The following ALMS1 variants were observed in gnomAD, a reference collection of about 807,000 sequenced individuals.
ALMS1 encodes the protein ALMS1 centrosome and basal body associated protein.
Under a neutral mutation model 352.2 loss-of-function variants are expected in ALMS1, and 271 were observed. The observed-to-expected ratio is 0.77, with a 90% CI of 0.70 to 0.85. The LOEUF (loss-of-function observed/expected upper bound fraction) is 0.85, where lower values mean the gene tolerates loss of function less well. Ranked by LOEUF, ALMS1 falls within the 40% of genes least tolerant of loss-of-function variation. The pLI, the probability that ALMS1 is intolerant of heterozygous loss-of-function variation, is 0.00. For synonymous variants in ALMS1, 1,865 were observed against 1,761.2 expected (o/e 1.06, Z -1.48); for missense variants, 5,445 against 4,870.7 (o/e 1.12, Z -3.51).
At chr2:73,528,932 A>G (rs2103980126) in intron 11 of ALMS1, among the ~76,000 whole-genome samples, 1 of 145,188 alleles carries the variant, frequency 6.9e-6, no homozygotes, top group Non-Finnish European at 1.5e-5. Flanking sequence ...CTACTCCAGT[A>G]TTTCTGCTTC....
intron 6 of ALMS1, among the ~76,000 whole-genome samples, chr2:73,427,228 T>C (rs1671398813): frequency 6.6e-6 from 1 of 152,200 alleles, no homozygotes. Context: ...AATATTTAAG[T>C]ATTTCTGTTT....
At chr2:73,465,859 A>T (rs1007526822) in intron 9 of ALMS1, among the ~76,000 whole-genome samples, 2 of 152,262 alleles carry the variant, frequency 1.3e-5, no homozygotes, top group Non-Finnish European at 2.9e-5. Context: ...GAAGACATTT[A>T]TGCAGGCAAA....
At chr2:73,473,486 A>G (rs991384539) in intron 9 of ALMS1, among the ~76,000 whole-genome samples, 1 of 152,072 alleles carries the variant, frequency 6.6e-6, no homozygotes, top group East Asian at 1.9e-4. Context: ...ATAATATTCA[A>G]TATGTCCAGT....
At chr2:73,549,667 C>T (rs1189793941) in intron 12 of ALMS1, among the ~76,000 whole-genome samples, 1 of 152,144 alleles carries the variant, frequency 6.6e-6, no homozygotes, top group African/African-American at 2.4e-5. Flanking sequence ...CTCCTTCCTC[C>T]AAAACCATCA....
intron 1 of ALMS1, among the ~76,000 whole-genome samples, chr2:73,406,580 A>T (rs900985782): frequency 1.3e-5 from 2 of 151,244 alleles, no homozygotes; most frequent in Admixed American, 1.3e-4. Flanking sequence ...TTCTGTAGCT[A>T]TTTTCATTGT....
At chr2:73,509,916 C>G (rs1026533958) in intron 10 of ALMS1, among the ~76,000 whole-genome samples, 7 of 151,978 alleles carry the variant, frequency 4.6e-5, no homozygotes, top group Admixed American at 4.6e-4. Flanking sequence ...TACGTTTAGT[C>G]TTTTCACATA....
rs1322466663 is a variant in ALMS1, at chr2:73,546,478, T to TA, written c.9908-3788dup. On this transcript the variant is annotated intron_variant, in intron 12 of 22. Transcript: ENST00000613296. ...ACTGTGGTAGGTGTTACAATTTCAG[T>TA]ATTGCTCAAAATAAACTATAATGGA... Among the ~76,000 whole-genome samples the TA allele has an allele frequency of 2.6e-5, 4 of 152,210 alleles. No individual in the cohort carries two copies. In the East Asian group the frequency reaches 5.8e-4, roughly 22 times the overall value.
intron 15 of ALMS1, 58 bp from the exon 16 acceptor site, chr2:73,572,204 T>G (rs772902273): frequency 9.1e-6 from 13 of 1,423,106 alleles, no homozygotes; most frequent in Non-Finnish European, 1.2e-5. Context: ...TGAATAGTAT[T>G]TCTAAACAGA....
chr2:73,548,599 G>C (rs1418480648), intron 12 of ALMS1, among the ~76,000 whole-genome samples: 1 of 152,178 alleles, frequency 6.6e-6, no homozygotes, highest in Non-Finnish European at 1.5e-5. Context: ...GGGAGAATTT[G>C]TGAAAAGAAT....
chr2:73,436,209 C>A (rs997962631), intron 7 of ALMS1, among the ~76,000 whole-genome samples: 1 of 152,192 alleles, frequency 6.6e-6, no homozygotes, highest in African/African-American at 2.4e-5. Flanking sequence ...TGTCTCTTCA[C>A]TATCTTCTGG....
In ALMS1 at chr2:73,489,730, A is replaced by G. The variant is rs1157117949; in HGVS notation, c.7771A>G (p.Thr2591Ala). 1 of 1,614,150 alleles carries G rather than the reference A, an allele frequency of 6.2e-7. No individual in the cohort carries two copies. The highest frequency in any genetic ancestry group is 1.1e-5 in the South Asian group (1 of 91,076). ...TGAAAAGGGATGTTTCCGGACTCTAACTTCTGAACATCCACAACTAGATAG... is the reference window on the plus strand; with the variant it reads ...TGAAAAGGGATGTTTCCGGACTCTAGCTTCTGAACATCCACAACTAGATAG... ...SHEKGCFRTL[T>A]SEHPQLDRHP... The change falls in exon 10 of 23, where the codon ACT (threonine) becomes GCT (alanine). Residue 2591 changes from threonine (T) to alanine (A), a missense_variant. By Grantham distance (58) the Thr-to-Ala change is moderately conservative. Coordinates refer to ENST00000613296, the MANE Select transcript of ALMS1 (RefSeq NM_001378454.1).
In ALMS1 at chr2:73,550,123, G is replaced by A. The variant is rs2104034118; in HGVS notation, c.9908-144G>A. 4 of 783,496 alleles carry A rather than the reference G, an allele frequency of 5.1e-6. No individual in the cohort carries two copies. In the South Asian group the frequency reaches 5.5e-5, roughly 11 times the overall value. The allele number at this position is 783,496 out of a possible 1,614,324, so 48.5% of individuals were successfully genotyped here. On this transcript the variant is annotated intron_variant, in intron 12 of 22. Coordinates refer to ENST00000613296, the MANE Select transcript of ALMS1 (RefSeq NM_001378454.1). The stretch of plus-strand genomic sequence containing the variant: ...AATCCGCCTGCCTCCACCTTCCAAA[G>A]TGCTGGGATTACAGGCATGAGCCAT...
intron 9 of ALMS1, among the ~76,000 whole-genome samples, chr2:73,481,132 T>C (rs1672693908): frequency 6.6e-6 from 1 of 152,244 alleles, no homozygotes; most frequent in Non-Finnish European, 1.5e-5. Flanking sequence ...TTTGGTGTTT[T>C]AGACATGAAG....
At chr2:73,587,679 T>C in intron 16 of ALMS1, among the ~76,000 whole-genome samples, 1 of 152,224 alleles carries the variant, frequency 6.6e-6, no homozygotes, top group Non-Finnish European at 1.5e-5. Flanking sequence ...TTTGGTTAGC[T>C]GGTATTTTGT....
At chr2:73,512,193 T>C (rs1673466578) in intron 10 of ALMS1, among the ~76,000 whole-genome samples, 1 of 152,144 alleles carries the variant, frequency 6.6e-6, no homozygotes, top group Non-Finnish European at 1.5e-5. Context: ...CAAGCGATTC[T>C]CCTGCCTCAG....
chr2:73,582,091 A>C (rs181686049), intron 16 of ALMS1, among the ~76,000 whole-genome samples: 2 of 152,028 alleles, frequency 1.3e-5, no homozygotes, highest in African/African-American at 4.8e-5. Context: ...CATCCAGTAC[A>C]GTTTTTTTTA....
intron 12 of ALMS1, among the ~76,000 whole-genome samples, chr2:73,539,895 T>C (rs1209646617): frequency 6.6e-6 from 1 of 152,190 alleles, no homozygotes; most frequent in Admixed American, 6.5e-5. Flanking sequence ...CTACGTCTGA[T>C]TGGTGTACTT....
intron 16 of ALMS1, among the ~76,000 whole-genome samples, chr2:73,596,598 A>G (rs1286149029): frequency 6.6e-6 from 1 of 151,432 alleles, no homozygotes; most frequent in Non-Finnish European, 1.5e-5. Flanking sequence ...CAGCCTTCCG[A>G]GTAGCTGGAA....
chr2:73,534,782 A>C (rs1206787346), intron 11 of ALMS1, 42 bp from the exon 12 acceptor site: 1 of 1,603,302 alleles, frequency 6.2e-7, no homozygotes, highest in South Asian at 1.1e-5. Context: ...ATGAATTAAC[A>C]AATGTTTTTC....
Sources: gnomAD v4.1 joint callset for allele counts (sites outside exome capture counted in the v4.1 genomes callset) on GRCh38, gnomAD v4.1.1 for gene constraint, MANE v1.5 for transcripts, NCBI Gene and HGNC (gene_info 2026-07-23, HGNC 2026-07-21) for gene names.